MICU1: variants seen among roughly 807,000 people sequenced by gnomAD.
MICU1 encodes the protein mitochondrial calcium uptake 1.
MICU1 carries 45 observed loss-of-function variants against 56.8 expected under a neutral mutation model. The observed-to-expected ratio is 0.79, with a 90% CI of 0.62 to 1.02. MICU1 has a LOEUF of 1.02. MICU1 is among the 50% of genes least tolerant of loss of function. The probability of loss-of-function intolerance (pLI) is 0.00; values close to 1 mark genes in which losing one functional copy is unlikely to be tolerated. For synonymous variants in MICU1, 186 were observed against 195.1 expected, an observed-to-expected ratio of 0.95 and a Z score of 0.39; for missense variants, 504 against 587.1, an observed-to-expected ratio of 0.86 and a Z score of 1.46.
At chr10:72,538,275 T>C (rs978039244) in intron 4 of MICU1, among the ~76,000 whole-genome samples, 2 of 152,032 alleles carry the variant, frequency 1.3e-5, no homozygotes, top group Non-Finnish European at 2.9e-5. Context: ...GCAATGTATA[T>C]CACAGATTTT....
At chr10:72,400,852 T>C (rs1036413411) in intron 10 of MICU1, among the ~76,000 whole-genome samples, 4 of 150,442 alleles carry the variant, frequency 2.7e-5, no homozygotes, top group African/African-American at 9.9e-5. Context: ...TCTAGAGAAA[T>C]GATCTGGTGG....
intron 7 of MICU1, 142 bp downstream of exon 7, chr10:72,477,032 A>G: frequency 3.7e-6 from 2 of 544,568 alleles, no homozygotes; most frequent in Non-Finnish European, 6.3e-6. Flanking sequence ...TTCAAAGAAT[A>G]ATTTTGAGAA....
At chr10:72,567,999 G>A (rs1369529689) in intron 1 of MICU1, among the ~76,000 whole-genome samples, 1 of 152,130 alleles carries the variant, frequency 6.6e-6, no homozygotes, top group Non-Finnish European at 1.5e-5. Context: ...ACAAAGGTAG[G>A]AAGTGATAGA....
chr10:72,500,274 A>ATATATATATATT (rs1227176594), intron 6 of MICU1, among the ~76,000 whole-genome samples: 17 of 9,502 alleles, frequency 1.8e-3, no homozygotes, highest in African/African-American at 3.4e-3. Context: ...ATATATATAT[A>ATATATATATATT]TATATATATA....
At chr10:72,551,415 C>T in intron 3 of MICU1, 74 bp from the exon 4 acceptor site, 1 of 944,754 alleles carries the variant, frequency 1.1e-6, no homozygotes, top group Non-Finnish European at 1.5e-6. Flanking sequence ...ATCATCACTG[C>T]TCATCAATTC....
At position 72,616,829 on chromosome 10, in the gene MICU1, T is replaced by G. The variant is rs115784156; in HGVS notation, c.-2+9181A>C. On this transcript the variant is annotated intron_variant, in intron 1 of 11. Coordinates refer to ENST00000361114, the MANE Select transcript of MICU1 (RefSeq NM_001195518.2). Reference sequence around the variant, plus strand: ...CTCTGAAGTTCTCCCTCTCTGCAGCTATTTCCAGTTTTCTGCCCTGCAAAC... The same window carrying G: ...CTCTGAAGTTCTCCCTCTCTGCAGCGATTTCCAGTTTTCTGCCCTGCAAAC... Among the ~76,000 whole-genome samples the G allele has an allele frequency of 4.8e-3, 726 of 152,306 alleles. 4 individuals carry two copies. The highest frequency in any genetic ancestry group is 0.017 in the African/African-American group (698 of 41,570).
intron 6 of MICU1, among the ~76,000 whole-genome samples, chr10:72,504,166 T>C (rs954812894): frequency 2.0e-5 from 3 of 152,058 alleles, no homozygotes; most frequent in Non-Finnish European, 4.4e-5. Flanking sequence ...AAAAAGAGCC[T>C]GAATAGCCAA....
At chr10:72,372,807 A>G (rs541466205) in intron 11 of MICU1, among the ~76,000 whole-genome samples, 1 of 151,536 alleles carries the variant, frequency 6.6e-6, no homozygotes, top group African/African-American at 2.4e-5. Flanking sequence ...ATGCCATTGC[A>G]CTCCAGCCTG....
Position 72,423,596 on chromosome 10 carries a change from CA to C in MICU1, c.934-226del, listed in dbSNP as rs549833884. On this transcript the variant is annotated intron_variant, in intron 8 of 11. Coordinates refer to ENST00000361114, the MANE Select transcript of MICU1 (RefSeq NM_001195518.2). The stretch of plus-strand genomic sequence containing the variant: ...GTCAGAGACAGTCAAGCCAGAGCAA[CA>C]GCATCTTGAGTAAGGTCTAGGAAAG... 1.0e-3 allele frequency among the ~76,000 whole-genome samples: 153 copies of C among 152,310 alleles called. 1 individual carries two copies. The highest frequency in any genetic ancestry group is 6.0e-3 in the South Asian group (29 of 4,828).
At chr10:72,451,024 C>CTTTTTTT (rs34430004) in intron 8 of MICU1, among the ~76,000 whole-genome samples, 1 of 115,014 alleles carries the variant, frequency 8.7e-6, no homozygotes, top group Non-Finnish European at 1.7e-5. Flanking sequence ...TCCCTTAAAT[C>CTTTTTTT]TTTTTTTTTT....
chr10:72,430,963 T>C (rs554401346), intron 8 of MICU1, among the ~76,000 whole-genome samples: 3 of 152,316 alleles, frequency 2.0e-5, no homozygotes, highest in East Asian at 3.9e-4. Flanking sequence ...AGTGGATATA[T>C]TCTTTTGCAA....
chr10:72,440,793 G>GA (rs886373383), intron 8 of MICU1, among the ~76,000 whole-genome samples: 1 of 152,098 alleles, frequency 6.6e-6, no homozygotes, highest in African/African-American at 2.4e-5. Context: ...GCAGACACAT[G>GA]AAAAAATGCT....
At chr10:72,464,480 CT>C (rs1865731263) in intron 8 of MICU1, among the ~76,000 whole-genome samples, 1 of 151,988 alleles carries the variant, frequency 6.6e-6, no homozygotes. Context: ...TGACTAAATG[CT>C]TTATGTTTTT....
intron 10 of MICU1, among the ~76,000 whole-genome samples, chr10:72,388,875 G>A (rs1431450841): frequency 2.0e-5 from 3 of 152,244 alleles, no homozygotes; most frequent in African/African-American, 4.8e-5. Context: ...GGGAATTAGA[G>A]AGACCTGAGC....
At chr10:72,404,427 G>C (rs1004386373) in intron 10 of MICU1, among the ~76,000 whole-genome samples, 6 of 152,296 alleles carry the variant, frequency 3.9e-5, no homozygotes, top group African/African-American at 1.4e-4. Context: ...ACAAAGGTAT[G>C]AGCAGAAATC....
Position 72,385,158 on chromosome 10 carries a change from G to T in MICU1, c.1181-9286C>A, listed in dbSNP as rs547969416. On this transcript the variant is annotated intron_variant, in intron 10 of 11. Transcript: ENST00000361114. ...GGAAGTCGCTGAACCTGAACTTCTG[G>T]TCTGTGATTTCAGCAAGTCATTTCC... is the stretch of plus-strand genomic sequence containing the variant. Among the ~76,000 whole-genome samples the T allele has an allele frequency of 2.0e-5, 3 of 152,094 alleles. No individual in the cohort carries two copies. The East Asian group carries it at 5.8e-4, about 29-fold the overall frequency.
intron 6 of MICU1, among the ~76,000 whole-genome samples, chr10:72,492,929 C>T (rs1866711557): frequency 6.6e-6 from 1 of 151,660 alleles, no homozygotes; most frequent in Non-Finnish European, 1.5e-5. Context: ...CCAGTCTGGC[C>T]AACATGGTGA....
intron 5 of MICU1, among the ~76,000 whole-genome samples, chr10:72,526,264 G>C (rs1337106671): frequency 6.6e-6 from 1 of 152,076 alleles, no homozygotes; most frequent in East Asian, 1.9e-4. Context: ...ATGAAATGTT[G>C]AATTTGTTCC....
intron 1 of MICU1, among the ~76,000 whole-genome samples, chr10:72,569,393 C>T (rs1840550678): frequency 6.6e-6 from 1 of 150,626 alleles, no homozygotes; most frequent in South Asian, 2.1e-4. Context: ...TACCATGATG[C>T]CTGGCTAATT....
Sources: allele counts gnomAD v4.1 joint callset (sites outside exome capture counted in the v4.1 genomes callset), GRCh38; gene constraint gnomAD v4.1.1; transcripts MANE v1.5; gene names NCBI Gene and HGNC (gene_info 2026-07-23, HGNC 2026-07-21).